The following EPHA5 variants were observed in gnomAD, a reference collection of about 807,000 sequenced individuals.
EPHA5 encodes the protein ephrin type-A receptor 5.
In EPHA5, 60 loss-of-function variants were observed where a neutral mutation model predicts 105.0. The observed-to-expected ratio is 0.57, with a 90% CI of 0.46 to 0.71. EPHA5 has a LOEUF of 0.71. Among genes scored for constraint, EPHA5 ranks in the 30% least tolerant of loss-of-function variants. The probability of loss-of-function intolerance (pLI) is 0.00; values close to 1 mark genes in which losing one functional copy is unlikely to be tolerated. For synonymous variants in EPHA5, 513 were observed against 449.1 expected, an observed-to-expected ratio of 1.14 and a Z score of -1.80; for missense variants, 1,218 against 1,274.7, an observed-to-expected ratio of 0.96 and a Z score of 0.68.
chr4:65,367,489 A>G (rs2148896920), intron 8 of EPHA5, 65 bp from the exon 9 acceptor site: 1 of 1,443,044 alleles, frequency 6.9e-7, no homozygotes. Flanking sequence ...TCAAGCCCAG[A>G]AGCATGAAGC....
intron 3 of EPHA5, among the ~76,000 whole-genome samples, chr4:65,528,589 G>A (rs980585365): frequency 1.1e-4 from 16 of 152,090 alleles, no homozygotes; most frequent in Non-Finnish European, 2.2e-4. Context: ...AGGGAAATAC[G>A]TAGTTCAAGA....
At chr4:65,343,628 T>C (rs1248586387) in intron 14 of EPHA5, among the ~76,000 whole-genome samples, 1 of 152,206 alleles carries the variant, frequency 6.6e-6, no homozygotes, top group African/African-American at 2.4e-5. Flanking sequence ...TATAGTTGAT[T>C]TGTCATGTTT....
intron 2 of EPHA5, among the ~76,000 whole-genome samples, chr4:65,630,125 C>T (rs890016457): frequency 6.6e-6 from 1 of 151,256 alleles, no homozygotes; most frequent in African/African-American, 2.4e-5. Flanking sequence ...TGTCAGGCAA[C>T]CATCAGGTAA....
intron 13 of EPHA5, among the ~76,000 whole-genome samples, chr4:65,349,791 T>C (rs1057043092): frequency 3.3e-5 from 5 of 152,114 alleles, no homozygotes; most frequent in African/African-American, 1.2e-4. Flanking sequence ...GTATTATGAG[T>C]CCTAGCTATG....
At chr4:65,414,180 G>T in intron 7 of EPHA5, 104 bp downstream of exon 7, 1 of 987,854 alleles carries the variant, frequency 1.0e-6, no homozygotes, top group Non-Finnish European at 1.6e-6. Context: ...GAGAGAGAGA[G>T]GGAGAGTGAG....
At chr4:65,415,052 G>A (rs1049749577) in intron 6 of EPHA5, among the ~76,000 whole-genome samples, 1 of 152,112 alleles carries the variant, frequency 6.6e-6, no homozygotes, top group East Asian at 1.9e-4. Context: ...GATTTGGAGG[G>A]GCTAAGTTAA....
intron 3 of EPHA5, among the ~76,000 whole-genome samples, chr4:65,576,750 T>C (rs1054492897): frequency 2.0e-5 from 3 of 152,240 alleles, no homozygotes; most frequent in African/African-American, 4.8e-5. Context: ...TACTTCCTGC[T>C]ATGGATTGTC....
intron 3 of EPHA5, among the ~76,000 whole-genome samples, chr4:65,564,498 T>C (rs1192781743): frequency 2.0e-5 from 3 of 151,820 alleles, no homozygotes; most frequent in Non-Finnish European, 2.9e-5. Context: ...GACCTGGCTA[T>C]GAATATATTG....
chr4:65,492,888 C>T (rs1021161292), intron 4 of EPHA5, among the ~76,000 whole-genome samples: 1 of 151,658 alleles, frequency 6.6e-6, no homozygotes, highest in Admixed American at 6.6e-5. Context: ...TTTAATAGTA[C>T]AAAGTTATAG....
intron 3 of EPHA5, among the ~76,000 whole-genome samples, chr4:65,536,045 T>C (rs1736250188): frequency 6.6e-6 from 1 of 151,994 alleles, no homozygotes; most frequent in Admixed American, 6.6e-5. Flanking sequence ...TGAAGTAATA[T>C]TTGTGATAGA....
At chr4:65,501,883 C>T (rs1442294535) in intron 3 of EPHA5, among the ~76,000 whole-genome samples, 5 of 151,428 alleles carry the variant, frequency 3.3e-5, no homozygotes, top group Non-Finnish European at 7.4e-5. Flanking sequence ...TGAAATAGCA[C>T]GGTACTGGTA....
chr4:65,500,230 C>A (rs1732341204), intron 3 of EPHA5, among the ~76,000 whole-genome samples: 1 of 151,174 alleles, frequency 6.6e-6, no homozygotes, highest in African/African-American at 2.4e-5. Context: ...ACCTAAATAT[C>A]ATTTAGAAAA....
chr4:65,426,576 C>A (rs1376256571), intron 5 of EPHA5, among the ~76,000 whole-genome samples: 1 of 152,006 alleles, frequency 6.6e-6, no homozygotes, highest in African/African-American at 2.4e-5. Flanking sequence ...ATCTCATGTG[C>A]CTTGAAAATT....
At chr4:65,553,790 A>G (rs2149344267) in intron 3 of EPHA5, among the ~76,000 whole-genome samples, 1 of 152,192 alleles carries the variant, frequency 6.6e-6, no homozygotes, top group East Asian at 1.9e-4. Flanking sequence ...GAAATAAATT[A>G]TATATGGAGA....
At chr4:65,636,748 A>C (rs977424285) in intron 2 of EPHA5, among the ~76,000 whole-genome samples, 3 of 152,088 alleles carry the variant, frequency 2.0e-5, no homozygotes, top group Non-Finnish European at 2.9e-5. Context: ...TCTCTCTGAC[A>C]CTTTTGCACA....
chr4:65,595,509 T>G (rs2149424759), intron 3 of EPHA5, among the ~76,000 whole-genome samples: 1 of 152,232 alleles, frequency 6.6e-6, no homozygotes, highest in South Asian at 2.1e-4. Context: ...ACTACCTACT[T>G]AGAGAAAACT....
intron 3 of EPHA5, among the ~76,000 whole-genome samples, chr4:65,515,417 C>G (rs1318781055): frequency 6.6e-6 from 1 of 151,922 alleles, no homozygotes; most frequent in Non-Finnish European, 1.5e-5. Flanking sequence ...TGTATTATAC[C>G]CATATATAAA....
intron 3 of EPHA5, among the ~76,000 whole-genome samples, chr4:65,511,658 CA>C (rs1733638900): frequency 6.6e-6 from 1 of 152,152 alleles, no homozygotes; most frequent in Non-Finnish European, 1.5e-5. Context: ...GTAACAATTT[CA>C]AATGCTCTAA....
intron 1 of EPHA5, among the ~76,000 whole-genome samples, chr4:65,660,563 C>A (rs968638320): frequency 3.9e-5 from 6 of 152,046 alleles, no homozygotes; most frequent in Non-Finnish European, 8.8e-5. Context: ...CTTTAGGAAA[C>A]CTACTAGGCT....
Sources: allele counts gnomAD v4.1 joint callset (sites outside exome capture counted in the v4.1 genomes callset), GRCh38; gene constraint gnomAD v4.1.1; transcripts MANE v1.5; gene names NCBI Gene and HGNC (gene_info 2026-07-23, HGNC 2026-07-21).